The following CUZD1 variants were observed in gnomAD, a reference collection of about 807,000 sequenced individuals.
CUZD1 encodes the protein CUB and zona pellucida like domains 1.
A neutral mutation model predicts 53.1 loss-of-function variants in CUZD1; 42 were observed. That is an observed-to-expected ratio of 0.79 (90% CI 0.62 to 1.02). The LOEUF (loss-of-function observed/expected upper bound fraction) is 1.02. Ranked by LOEUF, CUZD1 falls within the 50% of genes least tolerant of loss-of-function variation. CUZD1 has a pLI of 0.00. For missense variants in CUZD1, 670 were observed against 715.7 expected, an observed-to-expected ratio of 0.94 and a Z score of 0.73; for synonymous variants, 238 against 257.2, an observed-to-expected ratio of 0.93 and a Z score of 0.71.
chr10:122,833,554 A>G (rs1361277961), intron 8 of CUZD1, 118 bp downstream of exon 8: 3 of 1,098,126 alleles, frequency 2.7e-6, no homozygotes, highest in Non-Finnish European at 2.6e-6. Flanking sequence ...AATTCAACTT[A>G]TTTGCTAAAG....
At chr10:122,844,693 A>T (rs1847408658) in intron 1 of CUZD1, among the ~76,000 whole-genome samples, 1 of 151,912 alleles carries the variant, frequency 6.6e-6, no homozygotes, top group Non-Finnish European at 1.5e-5. Flanking sequence ...CATAGTGAAA[A>T]TTTTTTTCTA....
chr10:122,840,105 T>C (rs1434591538), intron 2 of CUZD1, among the ~76,000 whole-genome samples: 1 of 152,238 alleles, frequency 6.6e-6, no homozygotes, highest in Non-Finnish European at 1.5e-5. Flanking sequence ...CCTCTCTTCT[T>C]ACACAGCAAG....
chr10:122,836,675 G>A (rs762391391), intron 5 of CUZD1, among the ~76,000 whole-genome samples, 156 bp downstream of exon 5: 98 of 152,184 alleles, frequency 6.4e-4, no homozygotes, highest in Admixed American at 5.6e-3. Context: ...GCAATGCACA[G>A]AAATGATTGT....
intron 1 of CUZD1, among the ~76,000 whole-genome samples, chr10:122,841,553 C>A (rs909500187): frequency 6.6e-6 from 1 of 152,184 alleles, no homozygotes; most frequent in Non-Finnish European, 1.5e-5. Context: ...TATATTAGGA[C>A]CCGAAGAAGG....
In CUZD1 at chr10:122,845,833, A is replaced by T; in HGVS notation, c.11T>A (p.Val4Glu). MEL[V>E]RRLMPLTLLI... ...GAGGGTCAATGGCATGAGCCTTCTT[A>T]CAAGCTCCATTTTGGCAAGGCGCTG... Residue 4 changes from valine to glutamate, a missense_variant, in exon 1 of 9, where the codon GTA (valine) becomes GAA (glutamate). Val to Glu is a moderately radical substitution (Grantham distance 121, BLOSUM62 -2). Transcript: ENST00000392790. 2 of 1,613,958 alleles carry T rather than the reference A, an allele frequency of 1.2e-6. No homozygotes were observed. The highest frequency in any genetic ancestry group is 1.7e-6 in the Non-Finnish European group (2 of 1,179,956).
At position 122,836,822 on chromosome 10, in the gene CUZD1, ATGACTTACTAGT is replaced by A. The variant is rs1183612248; in HGVS notation, c.814_817+8del. On this transcript the variant is annotated splice_donor_variant and splice_donor_5th_base_variant and coding_sequence_variant and intron_variant, in exon 5 of 9. Transcript: ENST00000392790. LOFTEE classifies it high-confidence loss of function. ...CTCAAAATAGCTAAGAATATAAAAC[ATGACTTACTAGT>A]GTTGATGTTTTCTGCATAAATTGAG... 2.5e-6 allele frequency: 4 copies of A among 1,597,932 alleles called. No homozygotes were observed. Among genetic ancestry groups the A allele is most frequent in the Non-Finnish European group, 2.6e-6 (3 of 1,165,718 alleles).
intron 1 of CUZD1, among the ~76,000 whole-genome samples, chr10:122,844,050 A>G (rs1341497488): frequency 1.3e-5 from 2 of 150,884 alleles, no homozygotes; most frequent in Admixed American, 1.3e-4. Context: ...AGAGGGACAG[A>G]CAGAGTCTCA....
chr10:122,839,128 CAT>C lies in CUZD1; in HGVS notation c.335_336del (p.Tyr112CysfsTer5). ...CTGGATGATGATTCAAATACAGGAA[CAT>C]AGTCGTTTTTACTGCAGACTTGCCC... ...LLGQVCSKND[Y>X]VPVFESSSST... On this transcript the variant is annotated frameshift_variant, in exon 3 of 9. Transcript: ENST00000392790. LOFTEE classifies it high-confidence loss of function. 6.2e-7 allele frequency: 1 copy of C among 1,614,148 alleles called. No homozygotes were observed. The highest frequency in any genetic ancestry group is 8.5e-7 in the Non-Finnish European group (1 of 1,179,984).
intron 5 of CUZD1, 83 bp downstream of exon 5, chr10:122,836,748 A>T: frequency 9.3e-7 from 1 of 1,074,236 alleles, no homozygotes. Context: ...AGGAATAGCC[A>T]CAGGTAGGCT....
rs1566230359 is a variant in CUZD1, at chr10:122,834,818, C to T, written c.1270G>A (p.Val424Ile). The T allele has an allele frequency of 4.3e-6, 7 of 1,613,672 alleles. No homozygotes were observed. Among genetic ancestry groups the T allele is most frequent in the South Asian group, 1.1e-5 (1 of 91,056 alleles). ...YYVDLNQTLFVQVSLHTSDPN... is the reference protein window; with the variant it reads ...YYVDLNQTLFIQVSLHTSDPN... ...TCTGAGGTGTGCAGACTAACTTGAACAAAAAGAGTTTGGTTCAAATCCACA... is the reference window on the plus strand; with the variant it reads ...TCTGAGGTGTGCAGACTAACTTGAATAAAAAGAGTTTGGTTCAAATCCACA... The change falls in exon 7 of 9, where the codon GTT becomes ATT. Residue 424 changes from valine to isoleucine, a missense_variant. Val to Ile is a conservative substitution (Grantham distance 29). Coordinates refer to ENST00000392790, the MANE Select transcript of CUZD1 (RefSeq NM_022034.6).
chr10:122,837,170 G>T (rs946053314), intron 4 of CUZD1, 122 bp from the exon 5 acceptor site: 7 of 888,356 alleles, frequency 7.9e-6, no homozygotes, highest in Non-Finnish European at 1.2e-5. Context: ...TGGTATCTCA[G>T]GTTTACGAAG....
chr10:122,839,294 T>G (rs1334237411), intron 2 of CUZD1, 63 bp from the exon 3 acceptor site: 1 of 1,402,848 alleles, frequency 7.1e-7, no homozygotes, highest in African/African-American at 1.4e-5. Context: ...TGCAGAGCAG[T>G]CAATTGCTCA....
rs1032836534 is a variant in CUZD1 at position 122,833,859 on chromosome 10, C to T, written c.1464G>A (p.Leu488=). ...GRFQFNAFKF[L]RSMSSVYLQC... The stretch of plus-strand genomic sequence containing the variant: ...GCAGATACACAGAGCTCATACTTCT[C>T]AAGAATTTAAAGGCATTAAACTGGA... The change falls in exon 8 of 9, where the codon TTG becomes TTA. Residue 488 remains leucine (L), a synonymous_variant. Transcript: ENST00000392790. The T allele has an allele frequency of 6.2e-7, 1 of 1,614,014 alleles. No individual in the cohort carries two copies. The highest frequency in any genetic ancestry group is 1.1e-5 in the South Asian group (1 of 91,070).
chr10:122,838,872 G>C, intron 3 of CUZD1, 145 bp downstream of exon 3: 1 of 640,094 alleles, frequency 1.6e-6, no homozygotes, highest in Non-Finnish European at 2.8e-6. Context: ...TTATGCACAT[G>C]TAAGTTAGAG....
Position 122,832,301 on chromosome 10 carries a change from A to G in CUZD1, c.1801T>C (p.Tyr601His). ...AGTTAATAGTTCTGCAGCTTCTGGT[A>G]TTTGTAGTCTGCCCGTTGATTTACA... Reference protein sequence around the residue: ...HFVNQRADYKYQKLQNY With the variant: ...HFVNQRADYKHQKLQNY Residue 601 changes from tyrosine to histidine, a missense_variant, in exon 9 of 9, where the codon TAC becomes CAC. Coordinates refer to ENST00000392790, the MANE Select transcript of CUZD1 (RefSeq NM_022034.6). The G allele has an allele frequency of 6.2e-7, 1 of 1,614,086 alleles. No individual in the cohort carries two copies.
At position 122,832,175 on chromosome 10, in the gene CUZD1, C is replaced by G. The variant is rs1460877113; in HGVS notation, c.*103G>C. ...CAGTGACATGCAGGCCTGTGTGTCACTTTCAGGCCCTTCCTCATTTATTCA... is the reference window on the plus strand; with the variant it reads ...CAGTGACATGCAGGCCTGTGTGTCAGTTTCAGGCCCTTCCTCATTTATTCA... On this transcript the variant is annotated 3_prime_UTR_variant, in exon 9 of 9. Coordinates refer to ENST00000392790, the MANE Select transcript of CUZD1 (RefSeq NM_022034.6). The G allele has an allele frequency of 2.5e-6, 3 of 1,204,512 alleles. No individual in the cohort carries two copies. Among genetic ancestry groups the G allele is most frequent in the Non-Finnish European group, 3.6e-6 (3 of 835,100 alleles). The allele number at this position is 1,204,512 out of a possible 1,614,324, so 74.6% of individuals were successfully genotyped here. A position where few individuals can be genotyped will look rare whatever the true frequency, so the allele number is the denominator to read the frequency against.
Position 122,837,059 on chromosome 10 carries a change from A to T in CUZD1, c.600-11T>A. 2 of 1,572,662 alleles carry T rather than the reference A, an allele frequency of 1.3e-6. No individual in the cohort carries two copies. Among genetic ancestry groups the T allele is most frequent in the Non-Finnish European group, 1.7e-6 (2 of 1,145,418 alleles). ...TTGTCTATTTCTAGGCTAGAGAATG[A>T]GGGCCTCTGGTGAAAAAGAGTTTCA... On this transcript the variant is annotated splice_polypyrimidine_tract_variant and intron_variant, in intron 4 of 8. Coordinates refer to ENST00000392790, the MANE Select transcript of CUZD1 (RefSeq NM_022034.6).
chr10:122,834,057 T>C lies in CUZD1; in HGVS notation c.1383-117A>G. ...CAAAAATCTCTCTCAAAAGACTGTC[T>C]CTAGTTCACACTACAGTGAGTTAAG... On this transcript the variant is annotated intron_variant, in intron 7 of 8. Coordinates refer to ENST00000392790, the MANE Select transcript of CUZD1 (RefSeq NM_022034.6). 4 of 838,176 alleles carry C rather than the reference T, an allele frequency of 4.8e-6. No individual in the cohort carries two copies. In the South Asian group the frequency reaches 7.1e-5, roughly 15 times the overall value. The allele number at this position is 838,176 out of a possible 1,614,324, so 51.9% of individuals were successfully genotyped here.
intron 6 of CUZD1, among the ~76,000 whole-genome samples, chr10:122,835,919 CTCTT>C (rs1401196286): frequency 6.6e-6 from 1 of 152,124 alleles, no homozygotes; most frequent in Non-Finnish European, 1.5e-5. Flanking sequence ...TGTTCGAACT[CTCTT>C]TAGTGAGTTT....
Sources: allele counts gnomAD v4.1 joint callset (sites outside exome capture counted in the v4.1 genomes callset), GRCh38; gene constraint gnomAD v4.1.1; transcripts MANE v1.5; gene names NCBI Gene and HGNC (gene_info 2026-07-23, HGNC 2026-07-21).